Variants in MUC5B observed in about 807,000 individuals in gnomAD.
The protein encoded by MUC5B is mucin 5B, oligomeric mucus/gel-forming.
A neutral mutation model predicts 376.9 loss-of-function variants in MUC5B; 116 were observed. The observed-to-expected ratio is 0.31, with a 90% CI of 0.26 to 0.36. The LOEUF is 0.36. Ranked by LOEUF, MUC5B falls within the 10% of genes least tolerant of loss-of-function variation. The probability of loss-of-function intolerance (pLI) is 1.00; values close to 1 mark genes in which losing one functional copy is unlikely to be tolerated. For missense variants in MUC5B, 7,165 were observed against 7,769.9 expected, an observed-to-expected ratio of 0.92 and a Z score of 2.93; for synonymous variants, 3,517 against 3,390.9, an observed-to-expected ratio of 1.04 and a Z score of -1.29.
Position 1,242,127 on chromosome 11 carries a change from C to G in MUC5B, c.5247C>G (p.Leu1749=), listed in dbSNP as rs745477080. 3.1e-6 allele frequency: 5 copies of G among 1,613,328 alleles called. No homozygotes were observed. The highest frequency in any genetic ancestry group is 4.2e-6 in the Non-Finnish European group (5 of 1,179,866). ...EPLTTSLAPT[L]TSELSTSQAE... ...TGACCACGAGCCTGGCGCCAACACT[C>G]ACGAGCGAGCTGTCCACCTCTCAGG... Residue 1749 remains leucine, a synonymous_variant, in exon 31 of 49, where the codon CTC becomes CTG. Transcript: ENST00000529681.
Position 1,261,431 on chromosome 11 carries a change from C to A in MUC5B, c.17112C>A (p.Cys5704Ter). ...AGGCCATGCAGCACCAGTGCACCTG[C>A]TGCCAGGAGAGGCGGGTCCACGAGG... is the stretch of plus-strand genomic sequence containing the variant. ...EAQAMQHQCTCCQERRVHEET... is the reference protein window; with the variant it reads ...EAQAMQHQCT The change falls in exon 49 of 49, where the codon TGC becomes TGA. Residue 5704 changes from cysteine (C) to a stop codon, truncating the protein, a stop_gained. Coordinates refer to ENST00000529681, the MANE Select transcript of MUC5B (RefSeq NM_002458.3). LOFTEE classifies it low-confidence loss of function (END_TRUNC). 1 of 1,556,970 alleles carries A rather than the reference C, an allele frequency of 6.4e-7. No homozygotes were observed.
rs774633235 is a variant in MUC5B, at chr11:1,242,136, G to A, written c.5256G>A (p.Glu1752=). The change falls in exon 31 of 49, where the codon GAG becomes GAA. Residue 1752 remains glutamate, a synonymous_variant. Transcript: ENST00000529681. ...GCCTGGCGCCAACACTCACGAGCGA[G>A]CTGTCCACCTCTCAGGCCGAGACCA... is the stretch of plus-strand genomic sequence containing the variant. ...TTSLAPTLTS[E]LSTSQAETST... The A allele has an allele frequency of 4.3e-6, 7 of 1,613,452 alleles. No homozygotes were observed. Among genetic ancestry groups the A allele is most frequent in the Admixed American group, 1.7e-5 (1 of 60,014 alleles).
chr11:1,236,378 C>A lies in MUC5B; in HGVS notation c.2881-8C>A. ...GTCGGCTTCCGGCAGCGTCTGCCTCCCCTGCAGAGCTACGAGCTGATCCTC... is the reference window on the plus strand; with the variant it reads ...GTCGGCTTCCGGCAGCGTCTGCCTCACCTGCAGAGCTACGAGCTGATCCTC... On this transcript the variant is annotated splice_polypyrimidine_tract_variant and splice_region_variant and intron_variant, in intron 23 of 48. Transcript: ENST00000529681. The A allele has an allele frequency of 6.2e-7, 1 of 1,601,962 alleles. No homozygotes were observed. The highest frequency in any genetic ancestry group is 2.2e-5 in the East Asian group (1 of 44,586).
In MUC5B at chr11:1,230,144, G is replaced by A; in HGVS notation, c.1359+1G>A. 6.3e-7 allele frequency: 1 copy of A among 1,595,410 alleles called. No individual in the cohort carries two copies. The highest frequency in any genetic ancestry group is 8.5e-7 in the Non-Finnish European group (1 of 1,172,382). On this transcript the variant is annotated splice_donor_variant, in intron 11 of 48. Transcript: ENST00000529681. LOFTEE classifies it high-confidence loss of function. ...TGACTGCAGCTACGTTCTGTCCAAG[G>A]TCTGGGCTTGGGGCCGGGTCTTCAG...
In MUC5B at chr11:1,252,803, C is replaced by G; in HGVS notation, c.15046-6C>G. ...CAGGTGAGGACGTGCATGTTCCCTG[C>G]CCCAGGTGAATGAGACCTGGACCCT... On this transcript the variant is annotated splice_polypyrimidine_tract_variant and splice_region_variant and intron_variant, in intron 32 of 48. Transcript: ENST00000529681. The G allele has an allele frequency of 6.2e-7, 1 of 1,601,894 alleles. No individual in the cohort carries two copies. Among genetic ancestry groups the G allele is most frequent in the Admixed American group, 1.7e-5 (1 of 58,534 alleles).
Position 1,231,987 on chromosome 11 carries a change from G to C in MUC5B, c.1679-9G>C. On this transcript the variant is annotated splice_polypyrimidine_tract_variant and intron_variant, in intron 14 of 48. Coordinates refer to ENST00000529681, the MANE Select transcript of MUC5B (RefSeq NM_002458.3). ...GTGGCCGCTGACATCCCCCAACCCT[G>C]GCCCCCAGGCCTGTGTGGGAACTTC... 5 of 1,612,514 alleles carry C rather than the reference G, an allele frequency of 3.1e-6. No homozygotes were observed. The highest frequency in any genetic ancestry group is 4.2e-6 in the Non-Finnish European group (5 of 1,179,732).
rs368643572 is a variant in MUC5B at position 1,232,477 on chromosome 11, G to A, written c.1871G>A (p.Arg624His). ...NENYARHWCSRLTDPNSAFSR... is the reference protein window; with the variant it reads ...NENYARHWCSHLTDPNSAFSR... ...AACTACGCCCGGCACTGGTGCTCGC[G>A]CCTGACCGATCCCAACAGTGCCTTC... Residue 624 changes from arginine to histidine, a missense_variant, in exon 16 of 49, where the codon CGC (arginine) becomes CAC (histidine). By Grantham distance (29) the Arg-to-His change is conservative. Transcript: ENST00000529681. 6.5e-4 allele frequency: 1,053 copies of A among 1,609,862 alleles called. 12 individuals carry two copies. The South Asian group carries it at 0.011, about 16-fold the overall frequency.
chr11:1,232,407 C>T (rs1473781444), intron 15 of MUC5B, 43 bp from the exon 16 acceptor site: 4 of 1,551,458 alleles, frequency 2.6e-6, no homozygotes, highest in East Asian at 2.4e-5. Context: ...GGGGTGTGGG[C>T]TTCGGGGCAG....
At chr11:1,256,606 C>T in intron 38 of MUC5B, 65 bp from the exon 39 acceptor site, 1 of 1,294,832 alleles carries the variant, frequency 7.7e-7, no homozygotes, top group Non-Finnish European at 1.1e-6. Flanking sequence ...CCTGGGGACT[C>T]ACGTGGATGA....
At chr11:1,223,502 A>G (rs1180101129) in intron 1 of MUC5B, 11 of 393,012 alleles carry the variant, frequency 2.8e-5, no homozygotes, top group East Asian at 1.2e-4. Flanking sequence ...GGAGTGGGCA[A>G]TGGGGGAGGG....
In MUC5B at chr11:1,254,889, G is replaced by A. The variant is rs1181792267; in HGVS notation, c.15664+9G>A. 6.2e-6 allele frequency: 10 copies of A among 1,608,828 alleles called. No homozygotes were observed. Among genetic ancestry groups the A allele is most frequent in the African/African-American group, 1.3e-5 (1 of 74,800 alleles). ...CACCGAGGGCCAGTGCGGTGAGTGG[G>A]CGGCGGGTCCTGCCCCGGCCAGGGC... is the stretch of plus-strand genomic sequence containing the variant. On this transcript the variant is annotated intron_variant, in intron 35 of 48. Coordinates refer to ENST00000529681, the MANE Select transcript of MUC5B (RefSeq NM_002458.3).
In MUC5B at chr11:1,226,936, C is replaced by T. The variant is rs990444632; in HGVS notation, c.461+60C>T. Reference sequence around the variant, plus strand: ...GGCCACACAGTGTGACCTCCCCACACGGCCATGTCTGACCTGGGCCAGGGC... The same window carrying T: ...GGCCACACAGTGTGACCTCCCCACATGGCCATGTCTGACCTGGGCCAGGGC... On this transcript the variant is annotated intron_variant, in intron 4 of 48. Transcript: ENST00000529681. The T allele has an allele frequency of 6.7e-5, 92 of 1,365,668 alleles. 1 individual carries two copies. The South Asian group carries it at 6.9e-4, about 10-fold the overall frequency. The allele number at this position is 1,365,668 out of a possible 1,614,324, so 84.6% of individuals were successfully genotyped here.
chr11:1,261,896 A>C lies in MUC5B; in HGVS notation c.*288A>C. ...TCACTGGGACGCCCTGGAACAAACT[A>C]AGCATGTGCGGGCCTATGTGTCCCT... is the stretch of plus-strand genomic sequence containing the variant. On this transcript the variant is annotated 3_prime_UTR_variant, in exon 49 of 49. Coordinates refer to ENST00000529681, the MANE Select transcript of MUC5B (RefSeq NM_002458.3). The C allele has an allele frequency of 1.6e-6, 1 of 643,082 alleles. No homozygotes were observed. The highest frequency in any genetic ancestry group is 2.9e-6 in the Non-Finnish European group (1 of 346,748). 39.8% of individuals were successfully genotyped at this position (643,082 alleles called of 1,614,324 possible).
chr11:1,258,815 C>A lies in MUC5B; in HGVS notation c.16594-127C>A. ...CCTGCCTGCCTGGGTCCATGCTCAG[C>A]CAGGGGTGCATCTATGCTCCATCTG... is the stretch of plus-strand genomic sequence containing the variant. On this transcript the variant is annotated intron_variant, in intron 43 of 48. Coordinates refer to ENST00000529681, the MANE Select transcript of MUC5B (RefSeq NM_002458.3). The surrounding 1 kb of genome is among the most constrained non-coding windows in gnomAD (Gnocchi z 5.5). 7.6e-7 allele frequency: 1 copy of A among 1,322,564 alleles called. No individual in the cohort carries two copies. Among genetic ancestry groups the A allele is most frequent in the Non-Finnish European group, 1.0e-6 (1 of 974,322 alleles). 81.9% of individuals were successfully genotyped at this position (1,322,564 alleles called of 1,614,324 possible).
chr11:1,242,042 C>T lies in MUC5B; in HGVS notation c.5162C>T (p.Thr1721Ile). Residue 1721 changes from threonine (T) to isoleucine (I), a missense_variant, in exon 31 of 49, where the codon ACA becomes ATA. Thr to Ile is a moderately conservative substitution (Grantham distance 89). Transcript: ENST00000529681. ...CAGCCACCCACGCTGGCCCCAACAA[C>T]AATGGCAACCTCCAGAGCTCGCCCG... is the stretch of plus-strand genomic sequence containing the variant. Reference protein sequence around the residue: ...PSQPPTLAPTTMATSRARPTG... With the variant: ...PSQPPTLAPTIMATSRARPTG... 1 of 1,592,872 alleles carries T rather than the reference C, an allele frequency of 6.3e-7. No homozygotes were observed. The highest frequency in any genetic ancestry group is 8.5e-7 in the Non-Finnish European group (1 of 1,170,464).
In MUC5B at chr11:1,232,675, GGAGC is replaced by G; in HGVS notation, c.1974_1977del (p.Ser658ArgfsTer57). 1 of 1,600,456 alleles carries G rather than the reference GGAGC, an allele frequency of 6.2e-7. No homozygotes were observed. Among genetic ancestry groups the G allele is most frequent in the Non-Finnish European group, 8.5e-7 (1 of 1,174,406 alleles). On this transcript the variant is annotated frameshift_variant, in exon 17 of 49. Transcript: ENST00000529681. LOFTEE classifies it high-confidence loss of function. ...ATGTTTGACACCTGCAACTGTGAGC[GGAGC>G]GAGGACTGCCTGTGCGCCGCGCTGT...
intron 3 of MUC5B, 105 bp downstream of exon 3, chr11:1,226,381 C>T (rs1158258381): frequency 1.4e-6 from 2 of 1,415,576 alleles, no homozygotes; most frequent in Non-Finnish European, 9.7e-7. Flanking sequence ...GGCCGTTGGG[C>T]CAGACCCAGA....
intron 10 of MUC5B, 46 bp from the exon 11 acceptor site, chr11:1,229,959 C>T: frequency 6.4e-7 from 1 of 1,561,116 alleles, no homozygotes; most frequent in African/African-American, 1.3e-5. Flanking sequence ...GGGTGGGGCC[C>T]ACCTCCTCCC....
rs1428379600 is a variant in MUC5B, at chr11:1,250,204, T to C, written c.13324T>C (p.Ser4442Pro). 11 of 1,608,512 alleles carry C rather than the reference T, an allele frequency of 6.8e-6. No homozygotes were observed. The Admixed American group carries it at 1.8e-4, about 27-fold the overall frequency. Residue 4442 changes from serine (S) to proline (P), a missense_variant, in exon 31 of 49, where the codon TCC (serine) becomes CCC (proline). Ser to Pro is a moderately conservative substitution (Grantham distance 74). Coordinates refer to ENST00000529681, the MANE Select transcript of MUC5B (RefSeq NM_002458.3). ...CACTGGATCCACGGCCACCCCGTCC[T>C]CCACCCCAGGGACCACCTGGATCCT... ...ASTGSTATPS[S>P]TPGTTWILTE... is the part of the protein sequence containing the mutation.
Sources: allele counts gnomAD v4.1 joint callset, GRCh38; gene constraint gnomAD v4.1.1; non-coding constraint Gnocchi (gnomAD v3.1); transcripts MANE v1.5; gene names NCBI Gene and HGNC (gene_info 2026-07-23, HGNC 2026-07-21).